PCNT: variants seen among roughly 807,000 people sequenced by gnomAD.
PCNT encodes the protein pericentrin.
In PCNT, 319 loss-of-function variants were observed where a neutral mutation model predicts 380.4. The observed-to-expected ratio is 0.84, with a 90% confidence interval of 0.77 to 0.92. PCNT has a LOEUF of 0.92. PCNT is among the 40% of genes least tolerant of loss of function. PCNT has a pLI of 0.00. For missense variants in PCNT, 4,400 were observed against 4,255.3 expected (o/e 1.03, Z -0.95); for synonymous variants, 1,845 against 1,735.2 (o/e 1.06, Z -1.57).
intron 39 of PCNT, among the ~76,000 whole-genome samples, chr21:46,436,707 A>C (rs1235032892): frequency 6.6e-6 from 1 of 152,154 alleles, no homozygotes; most frequent in Non-Finnish European, 1.5e-5. Context: ...CATTCATTCC[A>C]GAGGAAAGCC....
chr21:46,383,365 G>T (rs529757674), intron 16 of PCNT, among the ~76,000 whole-genome samples: 48 of 144,644 alleles, frequency 3.3e-4, no homozygotes, highest in Non-Finnish European at 5.3e-4. Context: ...TGGCGGAAGC[G>T]CATTCACCAT....
intron 13 of PCNT, among the ~76,000 whole-genome samples, chr21:46,358,466 G>A (rs969662676): frequency 6.6e-6 from 1 of 152,260 alleles, no homozygotes; most frequent in Non-Finnish European, 1.5e-5. Context: ...GCAAAATAGA[G>A]GTAAGGGTGG....
intron 15 of PCNT, among the ~76,000 whole-genome samples, chr21:46,368,724 AG>A (rs2085016650): frequency 6.6e-6 from 1 of 152,198 alleles, no homozygotes; most frequent in African/African-American, 2.4e-5. Flanking sequence ...CCCTGCAGGA[AG>A]GGGATGCATA....
At chr21:46,432,987 CT>C (rs750342388) in intron 38 of PCNT, among the ~76,000 whole-genome samples, 15 of 152,086 alleles carry the variant, frequency 9.9e-5, no homozygotes, top group Non-Finnish European at 1.8e-4. Flanking sequence ...AAGTTTTATA[CT>C]TTTGTTAAAT....
In PCNT at chr21:46,416,685, C is replaced by T. The variant is rs750262978; in HGVS notation, c.6767C>T (p.Ala2256Val). 5 of 1,564,250 alleles carry T rather than the reference C, an allele frequency of 3.2e-6. No homozygotes were observed. The highest frequency in any genetic ancestry group is 1.2e-5 in the South Asian group (1 of 82,290). Reference sequence around the variant, plus strand: ...TCAGGAGCCCTGAGCCTGTGCAGTGCCGACACATCCCTGGGGGACAGGGCG... The same window carrying T: ...TCAGGAGCCCTGAGCCTGTGCAGTGTCGACACATCCCTGGGGGACAGGGCG... The part of the protein sequence containing the change: ...PHSGALSLCS[A>V]DTSLGDRADT... Residue 2256 changes from alanine (A) to valine (V), a missense_variant, in exon 30 of 47, where the codon GCC (alanine) becomes GTC (valine). Transcript: ENST00000359568.
intron 12 of PCNT, among the ~76,000 whole-genome samples, chr21:46,356,533 G>C (rs576232251): frequency 5.4e-4 from 82 of 152,364 alleles, no homozygotes; most frequent in African/African-American, 1.8e-3. Context: ...CAGAACAGCA[G>C]GGGGAGGTGC....
rs1178028172 is a variant in PCNT, at chr21:46,407,338, C to T, written c.5116-3851C>T. Among the ~76,000 whole-genome samples, 7 of 88,782 alleles carry T rather than the reference C, an allele frequency of 7.9e-5. No individual in the cohort carries two copies. The East Asian group carries it at 2.1e-3, about 26-fold the overall frequency. The allele number at this position is 88,782 out of a possible 152,430, so 58.2% of individuals were successfully genotyped here. ...CTTTGCATAAAGAAGTTTATACTTT[C>T]TCTTTTTTTTTTTTTTTTTTTGAGA... On this transcript the variant is annotated intron_variant, in intron 27 of 46. Coordinates refer to ENST00000359568, the MANE Select transcript of PCNT (RefSeq NM_006031.6).
chr21:46,367,241 G>C (rs776737540), intron 15 of PCNT, 102 bp downstream of exon 15: 6 of 980,284 alleles, frequency 6.1e-6, no homozygotes, highest in Non-Finnish European at 9.3e-6. Context: ...GTGTGTGCCT[G>C]TGCGGGTGTC....
chr21:46,365,164 TTCACTGCCATGGGGTTCTCC>T (rs1310083017), intron 14 of PCNT, among the ~76,000 whole-genome samples: 2 of 152,102 alleles, frequency 1.3e-5, no homozygotes, highest in African/African-American at 2.4e-5. Flanking sequence ...GTTCTATTCA[TTCACTGCCATGGGGTTCTCC>T]TCACTGCCGT....
intron 6 of PCNT, 148 bp downstream of exon 6, chr21:46,347,660 C>A: frequency 1.3e-6 from 1 of 761,420 alleles, no homozygotes; most frequent in Non-Finnish European, 2.3e-6. Flanking sequence ...GTATTGCGTT[C>A]TTTGTTTATT....
chr21:46,326,691 A>G (rs537111615), intron 2 of PCNT, 102 bp downstream of exon 2: 44 of 1,258,640 alleles, frequency 3.5e-5, no homozygotes, highest in Non-Finnish European at 5.0e-5. Flanking sequence ...GCCTTTCAAA[A>G]GTGAGGAAAG....
At chr21:46,394,147 C>T (rs548860145) in intron 21 of PCNT, among the ~76,000 whole-genome samples, 6 of 152,366 alleles carry the variant, frequency 3.9e-5, no homozygotes, top group African/African-American at 1.4e-4. Context: ...CAGCTACCGG[C>T]CCTGACCACT....
intron 18 of PCNT, 30 bp from the exon 19 acceptor site, chr21:46,389,169 C>T (rs750877573): frequency 1.8e-5 from 29 of 1,597,552 alleles, no homozygotes; most frequent in African/African-American, 1.7e-4. Flanking sequence ...CTCACTGAGC[C>T]GCGTGTGCCG....
Position 46,349,824 on chromosome 21 carries a change from G to T in PCNT, c.1344+4G>T. ...CGAGAAAGAAAAACAGCTGGAGGTG[G>T]GCAGCAGCTTCGTTATTTAATTACT... On this transcript the variant is annotated splice_donor_region_variant and intron_variant, in intron 8 of 46. Transcript: ENST00000359568. The T allele has an allele frequency of 6.2e-7, 1 of 1,613,868 alleles. No homozygotes were observed.
At chr21:46,441,186 A>G in intron 43 of PCNT, 102 bp downstream of exon 43, 1 of 768,476 alleles carries the variant, frequency 1.3e-6, no homozygotes, top group Non-Finnish European at 2.3e-6. Context: ...AAACTCCATA[A>G]TATGTTCTTT....
Position 46,402,312 on chromosome 21 carries a change from T to A in PCNT, c.4963-19T>A. ...ATTAGATGACTTTTAATACTTTTCT[T>A]CTTTTGTTTTAATGAAAGGTTTTGG... On this transcript the variant is annotated intron_variant, in intron 26 of 46. Coordinates refer to ENST00000359568, the MANE Select transcript of PCNT (RefSeq NM_006031.6). The A allele has an allele frequency of 6.5e-7, 1 of 1,538,080 alleles. No individual in the cohort carries two copies. The highest frequency in any genetic ancestry group is 9.0e-7 in the Non-Finnish European group (1 of 1,113,072).
intron 38 of PCNT, among the ~76,000 whole-genome samples, chr21:46,435,351 G>A (rs1254779934): frequency 6.6e-6 from 1 of 151,878 alleles, no homozygotes; most frequent in African/African-American, 2.4e-5. Flanking sequence ...TCAGCCTCCC[G>A]AGTAGCTGGG....
At chr21:46,444,612 C>T (rs567166203) in intron 45 of PCNT, 82 bp from the exon 46 acceptor site, 1 of 1,510,184 alleles carries the variant, frequency 6.6e-7, no homozygotes, top group South Asian at 1.1e-5. Flanking sequence ...TTCTTCTGCA[C>T]TCAGTCACCA....
intron 44 of PCNT, 142 bp from the exon 45 acceptor site, chr21:46,443,668 C>G (rs2053671501): frequency 1.2e-6 from 1 of 824,776 alleles, no homozygotes. Flanking sequence ...AGATATTGTA[C>G]CTTGAGCACT....
Sources: gnomAD v4.1 joint callset for allele counts (sites outside exome capture counted in the v4.1 genomes callset) on GRCh38, gnomAD v4.1.1 for gene constraint, MANE v1.5 for transcripts, NCBI Gene and HGNC (gene_info 2026-07-23, HGNC 2026-07-21) for gene names.